The following LARGE1 variants were observed in gnomAD, a reference collection of about 807,000 sequenced individuals.
LARGE1 encodes xylosyl- and glucuronyltransferase LARGE1.
A neutral mutation model predicts 87.6 loss-of-function variants in LARGE1; 43 were observed. The observed-to-expected ratio is 0.49, with a 90% CI of 0.38 to 0.63. The LOEUF (loss-of-function observed/expected upper bound fraction) is 0.63, where lower values mean the gene tolerates loss of function less well. Among genes scored for constraint, LARGE1 ranks in the 30% least tolerant of loss-of-function variants. The pLI is 0.00. For synonymous variants in LARGE1, 434 were observed against 394.6 expected, an observed-to-expected ratio of 1.10 and a Z score of -1.18; for missense variants, 802 against 1,000.2, an observed-to-expected ratio of 0.80 and a Z score of 2.67.
chr22:33,137,080 C>T, the LARGE1 span: 2 of 152,090 alleles, frequency 1.3e-5, no homozygotes, highest in African/African-American at 4.8e-5. Flanking sequence ...CCTGGTGCCC[C>T]AGGTTTACCA....
intron 9 of LARGE1, among the ~76,000 whole-genome samples, chr22:33,339,171 A>G (rs979875946): frequency 4.6e-5 from 7 of 151,454 alleles, no homozygotes; most frequent in Admixed American, 6.6e-5. Context: ...AAAAAAAAAA[A>G]AAGAAGAAGA....
At chr22:33,558,200 G>A (rs573874783) in intron 6 of LARGE1, among the ~76,000 whole-genome samples, 10 of 152,300 alleles carry the variant, frequency 6.6e-5, no homozygotes, top group Non-Finnish European at 1.0e-4. Flanking sequence ...AGCCAAGAAG[G>A]GAAGCCTTTA....
At chr22:33,379,174 C>CTT (rs11300534) in intron 9 of LARGE1, among the ~76,000 whole-genome samples, 3 of 137,366 alleles carry the variant, frequency 2.2e-5, no homozygotes, top group Non-Finnish European at 3.2e-5. Flanking sequence ...TGGGGAAGTT[C>CTT]TTTTTTTTTT....
intron 13 of LARGE1, among the ~76,000 whole-genome samples, chr22:33,280,190 T>C (rs1930150836): frequency 6.6e-6 from 1 of 152,100 alleles, no homozygotes; most frequent in Non-Finnish European, 1.5e-5. Context: ...ATTAACTACT[T>C]GGCACCTTTG....
At chr22:33,381,019 G>A (rs1569111275) in intron 9 of LARGE1, among the ~76,000 whole-genome samples, 1 of 152,144 alleles carries the variant, frequency 6.6e-6, no homozygotes, top group South Asian at 2.1e-4. Flanking sequence ...TGGCCAATGA[G>A]GGATATTAGC....
chr22:33,434,448 A>G (rs1282470500), intron 6 of LARGE1, among the ~76,000 whole-genome samples: 1 of 152,022 alleles, frequency 6.6e-6, no homozygotes, highest in Non-Finnish European at 1.5e-5. Flanking sequence ...CTACAGGCAC[A>G]CACCACCACA....
intron 1 of LARGE1, among the ~76,000 whole-genome samples, chr22:33,770,993 C>A (rs1469481628): frequency 6.6e-6 from 1 of 152,108 alleles, no homozygotes; most frequent in East Asian, 1.9e-4. Context: ...CTTGTCATCA[C>A]CCAAAGCAGC....
intron 6 of LARGE1, among the ~76,000 whole-genome samples, chr22:33,464,237 A>T (rs1486387629): frequency 6.6e-6 from 1 of 152,218 alleles, no homozygotes; most frequent in African/African-American, 2.4e-5. Flanking sequence ...TCAATCCCAT[A>T]TGAATGAAGG....
intron 2 of LARGE1, among the ~76,000 whole-genome samples, chr22:33,651,157 C>T (rs923139772): frequency 4.8e-5 from 7 of 145,804 alleles, no homozygotes; most frequent in African/African-American, 1.5e-4. Flanking sequence ...CCAAGACGGG[C>T]GGATCACGAG....
exon 12 of LARGE1, chr22:33,163,734 T>C (rs1333284390): frequency 2.6e-5 from 4 of 152,228 alleles, no homozygotes; most frequent in Non-Finnish European, 5.9e-5. Context: ...AAAAGTCTTG[T>C]AGGATTTCTT....
intron 10 of LARGE1, among the ~76,000 whole-genome samples, chr22:33,324,166 T>G (rs1253947331): frequency 1.6e-5 from 2 of 128,480 alleles, no homozygotes; most frequent in Non-Finnish European, 3.1e-5. Context: ...GAGGTGGAGG[T>G]TGCAGTAAGC....
At chr22:33,491,945 C>T (rs2069862336) in intron 6 of LARGE1, among the ~76,000 whole-genome samples, 1 of 152,164 alleles carries the variant, frequency 6.6e-6, no homozygotes, top group Non-Finnish European at 1.5e-5. Context: ...AGGCCGACCC[C>T]TTGATGTGGC....
chr22:33,291,133 A>G (rs1053511273), intron 12 of LARGE1, among the ~76,000 whole-genome samples: 1 of 152,304 alleles, frequency 6.6e-6, no homozygotes, highest in Non-Finnish European at 1.5e-5. Flanking sequence ...AAAAGGATCC[A>G]TGTCACAACG....
chr22:33,775,162 G>A lies in LARGE1; in HGVS notation c.-82-13604C>T, dbSNP rs143283808. 2.6e-3 allele frequency among the ~76,000 whole-genome samples: 402 copies of A among 152,292 alleles called. 3 individuals are homozygous for A. Among genetic ancestry groups the A allele is most frequent in the African/African-American group, 9.2e-3 (383 of 41,566 alleles). On this transcript the variant is annotated intron_variant, in intron 1 of 14. Transcript: ENST00000397394. ...CTGTGCGACTCCACTTAACAGAGAA[G>A]GGCACTGAGGTTCAAAGAGGTTAAG...
the LARGE1 span, among the ~76,000 whole-genome samples, chr22:33,155,306 A>C: frequency 6.6e-6 from 1 of 152,196 alleles, no homozygotes; most frequent in Non-Finnish European, 1.5e-5. Flanking sequence ...AAATGTGGGA[A>C]AGTCTGGAAC....
chr22:33,793,782 C>T (rs1421919070), intron 1 of LARGE1, among the ~76,000 whole-genome samples: 1 of 134,444 alleles, frequency 7.4e-6, no homozygotes, highest in African/African-American at 2.7e-5. Flanking sequence ...GGCAAGCACC[C>T]CCCAACTTTT....
intron 1 of LARGE1, among the ~76,000 whole-genome samples, chr22:33,831,324 G>A (rs1446352190): frequency 6.6e-6 from 1 of 152,134 alleles, no homozygotes; most frequent in Non-Finnish European, 1.5e-5. Context: ...TTCGTAAAAA[G>A]TCCCTTCTGA....
chr22:33,633,339 A>C (rs906103689), intron 3 of LARGE1, among the ~76,000 whole-genome samples: 1 of 152,144 alleles, frequency 6.6e-6, no homozygotes, highest in Non-Finnish European at 1.5e-5. Flanking sequence ...CATTTCAGTG[A>C]CCACACAAGA....
At chr22:33,793,976 T>C (rs997172778) in intron 1 of LARGE1, among the ~76,000 whole-genome samples, 3 of 152,234 alleles carry the variant, frequency 2.0e-5, no homozygotes, top group East Asian at 1.9e-4. Flanking sequence ...AAGTTTTCTA[T>C]AGAGCCTCTG....
Sources: allele counts gnomAD v4.1 joint callset (sites outside exome capture counted in the v4.1 genomes callset), GRCh38; gene constraint gnomAD v4.1.1; transcripts MANE v1.5; gene names NCBI Gene and HGNC (gene_info 2026-07-23, HGNC 2026-07-21).